The following KCNH1 variants were observed in gnomAD, a reference collection of about 807,000 sequenced individuals.
KCNH1 encodes potassium voltage-gated channel subfamily H member 1, also known as voltage-gated delayed rectifier potassium channel KCNH1.
Under a neutral mutation model 69.2 loss-of-function variants are expected in KCNH1, and 27 were observed. That is an observed-to-expected ratio of 0.39 (90% CI 0.29 to 0.54). The LOEUF is 0.54. Among genes scored for constraint, KCNH1 ranks in the 20% least tolerant of loss-of-function variants. The pLI, the probability that KCNH1 is intolerant of heterozygous loss-of-function variation, is 0.68. For missense variants in KCNH1, 798 were observed against 1,261.6 expected (o/e 0.63, Z 5.57); for synonymous variants, 456 against 487.7 (o/e 0.93, Z 0.86).
intron 6 of KCNH1, among the ~76,000 whole-genome samples, chr1:210,923,681 TA>T (rs1687509310): frequency 1.3e-5 from 2 of 152,234 alleles, no homozygotes; most frequent in Admixed American, 6.5e-5. Flanking sequence ...CATGTGTCCA[TA>T]AGTATTCTAT....
rs1684346306 is a variant in KCNH1, at chr1:210,797,720, C to G, written c.1703G>C (p.Cys568Ser). The change falls in exon 9 of 11, where the codon TGC (cysteine) becomes TCC (serine). Residue 568 changes from cysteine (C) to serine (S), a missense_variant. By Grantham distance (112) the Cys-to-Ser change is moderately radical. Around this residue, in one of 4 missense-constraint regions of KCNH1, gnomAD observed 197 missense variants for 407.7 expected, o/e 0.48. Transcript: ENST00000271751. ...GAACACCTTGCGGTTCAGGTGCACG[C>G]AGATGTCGGCTCTCATGTCCTTGGG... is the stretch of plus-strand genomic sequence containing the variant. ...ICPKDMRADI[C>S]VHLNRKVFKE... 6.2e-7 allele frequency: 1 copy of G among 1,614,048 alleles called. No homozygotes were observed. Among genetic ancestry groups the G allele is most frequent in the Non-Finnish European group, 8.5e-7 (1 of 1,179,936 alleles).
Position 210,701,942 on chromosome 1 carries a change from CA to C in KCNH1, c.2113-17805del, listed in dbSNP as rs529220127. Among the ~76,000 whole-genome samples the C allele has an allele frequency of 2.2e-3, 333 of 152,270 alleles. 2 individuals carry two copies. Among genetic ancestry groups the C allele is most frequent in the African/African-American group, 7.7e-3 (321 of 41,560 alleles). ...TCGTTCTTCAGGAAAAAACATGCCC[CA>C]AAAGCCACTGGAATTCCTGCATTCT... On this transcript the variant is annotated intron_variant, in intron 10 of 10. Transcript: ENST00000271751.
In KCNH1 at chr1:210,720,135, G is replaced by A. The variant is rs1181624068; in HGVS notation, c.2113-35997C>T. ...GTGAGACAGCAGAATGCAAACTGCT[G>A]AATGGAGAGAATAGGAGAAAATGGC... On this transcript the variant is annotated intron_variant, in intron 10 of 10. Coordinates refer to ENST00000271751, the MANE Select transcript of KCNH1 (RefSeq NM_172362.3). 2.0e-5 allele frequency among the ~76,000 whole-genome samples: 3 copies of A among 152,158 alleles called. 1 individual carries two copies. In the East Asian group the frequency reaches 5.8e-4, roughly 29 times the overall value.
intron 5 of KCNH1, among the ~76,000 whole-genome samples, chr1:211,047,683 G>C (rs1332279581): frequency 1.3e-5 from 2 of 152,232 alleles, no homozygotes; most frequent in Non-Finnish European, 2.9e-5. Flanking sequence ...GAGTGTGTGT[G>C]TGTGTACATT....
At chr1:210,806,884 G>A (rs1476505312) in intron 7 of KCNH1, among the ~76,000 whole-genome samples, 2 of 136,978 alleles carry the variant, frequency 1.5e-5, no homozygotes, top group Non-Finnish European at 3.1e-5. Context: ...GTGCACACGA[G>A]TAGTCCCAGC....
At chr1:211,131,218 A>C (rs1264063350) in intron 1 of KCNH1, among the ~76,000 whole-genome samples, 1 of 152,128 alleles carries the variant, frequency 6.6e-6, no homozygotes, top group Non-Finnish European at 1.5e-5. Flanking sequence ...CAGCTCTATG[A>C]TATTCCGGGC....
At chr1:210,707,796 A>G (rs894749128) in intron 10 of KCNH1, among the ~76,000 whole-genome samples, 9 of 152,164 alleles carry the variant, frequency 5.9e-5, no homozygotes, top group Non-Finnish European at 1.0e-4. Context: ...AGGGCCATCA[A>G]TGTGTCTTGT....
rs1571628807 is a variant in KCNH1, at chr1:211,078,089, C to T, written c.558+4691G>A. 3.9e-5 allele frequency among the ~76,000 whole-genome samples: 6 copies of T among 152,242 alleles called. No individual in the cohort carries two copies. The South Asian group carries it at 1.2e-3, about 32-fold the overall frequency. ...GCTAACTATTCTAAATATATATTCA[C>T]CCAATACAGGAGCACCCAGATTCAT... On this transcript the variant is annotated intron_variant, in intron 5 of 10. Transcript: ENST00000271751.
intron 5 of KCNH1, among the ~76,000 whole-genome samples, 193 bp downstream of exon 5, chr1:211,082,587 G>A (rs1169123527): frequency 1.3e-5 from 2 of 152,130 alleles, no homozygotes; most frequent in Non-Finnish European, 2.9e-5. Context: ...TTTGCACATG[G>A]GAAAGTGTAA....
rs772137694 is a variant in KCNH1 at position 211,133,993 on chromosome 1, C to G, written c.-48G>C. 1 of 1,548,322 alleles carries G rather than the reference C, an allele frequency of 6.5e-7. No individual in the cohort carries two copies. The highest frequency in any genetic ancestry group is 1.1e-5 in the South Asian group (1 of 88,782). ...GCGGGCGTCCTGGCGCGGCTTCTTACGACAGCAGGAAACTGGCCTCGGGGC... is the reference window on the plus strand; with the variant it reads ...GCGGGCGTCCTGGCGCGGCTTCTTAGGACAGCAGGAAACTGGCCTCGGGGC... On this transcript the variant is annotated 5_prime_UTR_variant, in exon 1 of 11. Transcript: ENST00000271751. This position sits in a 1 kb window ranked among gnomAD's most constrained non-coding sequence, Gnocchi z 5.4.
intron 6 of KCNH1, among the ~76,000 whole-genome samples, chr1:210,994,513 G>A (rs1358565071): frequency 1.3e-5 from 2 of 152,206 alleles, no homozygotes; most frequent in South Asian, 2.1e-4. Context: ...AGTCTTCAAG[G>A]AGATGGTAGT....
intron 3 of KCNH1, among the ~76,000 whole-genome samples, chr1:211,100,518 A>T (rs980587511): frequency 1.3e-5 from 2 of 152,092 alleles, no homozygotes; most frequent in Admixed American, 6.5e-5. Flanking sequence ...CACCCAGCTA[A>T]TTTTTGTATT....
At chr1:210,709,267 G>A (rs1285848194) in intron 10 of KCNH1, among the ~76,000 whole-genome samples, 1 of 152,196 alleles carries the variant, frequency 6.6e-6, no homozygotes, top group Non-Finnish European at 1.5e-5. Flanking sequence ...GGGAGATTTT[G>A]ACATGGAGAC....
At chr1:210,806,656 A>G (rs1024167176) in intron 7 of KCNH1, among the ~76,000 whole-genome samples, 1 of 151,086 alleles carries the variant, frequency 6.6e-6, no homozygotes. Flanking sequence ...GTTTAATAAT[A>G]GTTCATGTCT....
At chr1:210,879,475 C>A (rs929168576) in intron 7 of KCNH1, among the ~76,000 whole-genome samples, 79 of 152,096 alleles carry the variant, frequency 5.2e-4, no homozygotes, top group African/African-American at 1.9e-3. Context: ...TTAATGCAAT[C>A]TGTTGCATCA....
At chr1:210,985,470 C>T (rs1460512177) in intron 6 of KCNH1, among the ~76,000 whole-genome samples, 1 of 152,160 alleles carries the variant, frequency 6.6e-6, no homozygotes, top group Non-Finnish European at 1.5e-5. Context: ...TCCAGAGATT[C>T]TGGTATGTTG....
At chr1:210,863,603 C>T (rs761482396) in intron 7 of KCNH1, among the ~76,000 whole-genome samples, 3 of 152,260 alleles carry the variant, frequency 2.0e-5, no homozygotes, top group Non-Finnish European at 2.9e-5. Context: ...GGAATGTTTC[C>T]ACCTTAATGT....
intron 10 of KCNH1, among the ~76,000 whole-genome samples, chr1:210,700,650 G>A (rs1377667800): frequency 6.6e-6 from 1 of 152,192 alleles, no homozygotes; most frequent in Non-Finnish European, 1.5e-5. Flanking sequence ...CTTCTGTAAA[G>A]GGCCAGATAG....
intron 7 of KCNH1, among the ~76,000 whole-genome samples, chr1:210,890,002 C>T (rs1024452360): frequency 1.3e-5 from 2 of 152,156 alleles, no homozygotes; most frequent in African/African-American, 4.8e-5. Flanking sequence ...CTATCCCCAT[C>T]AAGCCACCAT....
Sources: allele counts gnomAD v4.1 joint callset (sites outside exome capture counted in the v4.1 genomes callset), GRCh38; gene constraint gnomAD v4.1.1; regional missense constraint gnomAD v4.1.1; non-coding constraint Gnocchi (gnomAD v3.1); transcripts MANE v1.5; gene names NCBI Gene and HGNC (gene_info 2026-07-23, HGNC 2026-07-21).